The following XKR6 variants were observed in gnomAD, a reference collection of about 807,000 sequenced individuals.
The protein encoded by XKR6 is XK related 6, also known as XK-related protein 6.
Under a neutral mutation model 56.7 loss-of-function variants are expected in XKR6, and 22 were observed. That is an observed-to-expected ratio of 0.39 (90% confidence interval 0.28 to 0.55). XKR6 has a LOEUF of 0.55. Ranked by LOEUF, XKR6 falls within the 20% of genes least tolerant of loss-of-function variation. The pLI, the probability that XKR6 is intolerant of heterozygous loss-of-function variation, is 0.66. For missense variants in XKR6, 852 were observed against 889.0 expected (o/e 0.96, Z 0.53); for synonymous variants, 524 against 387.8 (o/e 1.35, Z -4.13).
chr8:11,152,176 G>A (rs1011132038), intron 1 of XKR6, among the ~76,000 whole-genome samples: 1 of 152,138 alleles, frequency 6.6e-6, no homozygotes, highest in Non-Finnish European at 1.5e-5. Flanking sequence ...GAATCTTAGG[G>A]CCTGAATGCT....
intron 1 of XKR6, among the ~76,000 whole-genome samples, chr8:11,092,641 A>C (rs1798113542): frequency 1.3e-5 from 2 of 152,188 alleles, no homozygotes; most frequent in Non-Finnish European, 2.9e-5. Flanking sequence ...AAGAGCCGGG[A>C]GACTGCAAGA....
At chr8:10,980,570 A>G (rs1426830122) in intron 1 of XKR6, among the ~76,000 whole-genome samples, 1 of 152,102 alleles carries the variant, frequency 6.6e-6, no homozygotes, top group Non-Finnish European at 1.5e-5. Flanking sequence ...GGATTTTAAT[A>G]CCTATCTATT....
At chr8:11,131,571 T>G (rs376477569) in intron 1 of XKR6, among the ~76,000 whole-genome samples, 3 of 152,148 alleles carry the variant, frequency 2.0e-5, no homozygotes, top group African/African-American at 7.2e-5. Context: ...AATAAAAAGT[T>G]TTCCTTTCAT....
intron 1 of XKR6, among the ~76,000 whole-genome samples, chr8:10,961,946 C>A (rs1586360638): frequency 1.3e-5 from 2 of 152,208 alleles, no homozygotes; most frequent in South Asian, 4.1e-4. Flanking sequence ...TCATCCAACA[C>A]AAACGCATAG....
intron 1 of XKR6, among the ~76,000 whole-genome samples, chr8:11,023,184 C>T (rs911399227): frequency 6.6e-6 from 1 of 152,210 alleles, no homozygotes; most frequent in Non-Finnish European, 1.5e-5. Flanking sequence ...GCCCTCCCTC[C>T]ATGTCCCCAT....
intron 2 of XKR6, among the ~76,000 whole-genome samples, chr8:10,920,474 C>G (rs1800677648): frequency 6.6e-6 from 1 of 152,246 alleles, no homozygotes; most frequent in African/African-American, 2.4e-5. Flanking sequence ...CCCCAGCTTT[C>G]TACGCTGCGA....
Position 11,200,611 on chromosome 8 carries a change from C to G in XKR6, c.729G>C (p.Ser243=), listed in dbSNP as rs753410459. The G allele has an allele frequency of 6.5e-7, 1 of 1,544,980 alleles. No homozygotes were observed. The highest frequency in any genetic ancestry group is 8.6e-7 in the Non-Finnish European group (1 of 1,156,760). ...LCRLSVWIWQ[S]VIHLLQMGQV... ...GCCCCATCTGCAGCAGGTGGATGAC[C>G]GACTGCCAGATCCACACGGAGAGGC... The change falls in exon 1 of 3, where the codon TCG becomes TCC. Residue 243 remains serine (S), a synonymous_variant. Coordinates refer to ENST00000416569, the MANE Select transcript of XKR6 (RefSeq NM_173683.4). The surrounding 1 kb of genome is among the most constrained non-coding windows in gnomAD (Gnocchi z 6.4).
intron 1 of XKR6, among the ~76,000 whole-genome samples, chr8:10,977,317 C>T (rs933953491): frequency 2.6e-5 from 4 of 152,034 alleles, no homozygotes; most frequent in African/African-American, 7.2e-5. Context: ...TGGTCTCCCC[C>T]ATCCCAGGGA....
chr8:11,114,732 TGTG>T, intron 1 of XKR6, among the ~76,000 whole-genome samples: 1 of 72,280 alleles, frequency 1.4e-5, no homozygotes, highest in South Asian at 5.3e-4. Flanking sequence ...CACATATGTG[TGTG>T]TGTGTGTGTG....
At chr8:11,169,430 A>C (rs1408179341) in intron 1 of XKR6, among the ~76,000 whole-genome samples, 1 of 152,164 alleles carries the variant, frequency 6.6e-6, no homozygotes, top group Non-Finnish European at 1.5e-5. Context: ...AAATATCTAC[A>C]GGATGGAATA....
At chr8:10,955,988 A>G (rs567519163) in intron 1 of XKR6, among the ~76,000 whole-genome samples, 9 of 152,312 alleles carry the variant, frequency 5.9e-5, no homozygotes, top group African/African-American at 2.2e-4. Context: ...GGGCAAGACA[A>G]CAGAAAGATG....
At chr8:11,163,145 T>C (rs1460354577) in intron 1 of XKR6, among the ~76,000 whole-genome samples, 1 of 152,170 alleles carries the variant, frequency 6.6e-6, no homozygotes, top group Non-Finnish European at 1.5e-5. Flanking sequence ...TTTAAAATGA[T>C]CATAAAATCC....
chr8:10,925,423 G>C (rs1172331231), intron 1 of XKR6, among the ~76,000 whole-genome samples: 1 of 152,178 alleles, frequency 6.6e-6, no homozygotes, highest in East Asian at 1.9e-4. Flanking sequence ...CCGGATAGTG[G>C]AACAAGTAGG....
intron 2 of XKR6, among the ~76,000 whole-genome samples, chr8:10,915,274 G>A (rs541832869): frequency 1.3e-5 from 2 of 152,348 alleles, no homozygotes; most frequent in South Asian, 4.1e-4. Context: ...GGTGATTAGG[G>A]AAGTTATTGA....
At chr8:11,146,909 GA>G (rs1563173412) in intron 1 of XKR6, among the ~76,000 whole-genome samples, 1 of 151,904 alleles carries the variant, frequency 6.6e-6, no homozygotes, top group Non-Finnish European at 1.5e-5. Flanking sequence ...CTTATATGTG[GA>G]ATCTAAAATA....
intron 1 of XKR6, among the ~76,000 whole-genome samples, chr8:11,135,661 T>C (rs1283517206): frequency 1.3e-5 from 2 of 151,870 alleles, no homozygotes; most frequent in Admixed American, 6.6e-5. Flanking sequence ...GGTGAATTCA[T>C]GAAAAAATGT....
chr8:11,117,967 TG>T (rs2129182331), intron 1 of XKR6, among the ~76,000 whole-genome samples: 1 of 151,778 alleles, frequency 6.6e-6, no homozygotes, highest in Non-Finnish European at 1.5e-5. Flanking sequence ...ACCGAGAGTG[TG>T]GGGGACCAGG....
chr8:11,177,514 A>G (rs951739603), intron 1 of XKR6, among the ~76,000 whole-genome samples: 33 of 152,202 alleles, frequency 2.2e-4, no homozygotes, highest in Non-Finnish European at 3.5e-4. Flanking sequence ...AATTCAGAAC[A>G]TGACCGAATT....
At chr8:10,939,744 C>T (rs998490137) in intron 1 of XKR6, among the ~76,000 whole-genome samples, 2 of 152,232 alleles carry the variant, frequency 1.3e-5, no homozygotes, top group East Asian at 1.9e-4. Flanking sequence ...AGACCAGGGG[C>T]CTCGCCCACC....
Sources: gnomAD v4.1 joint callset for allele counts (sites outside exome capture counted in the v4.1 genomes callset) on GRCh38, gnomAD v4.1.1 for gene constraint, Gnocchi (gnomAD v3.1) non-coding constraint, MANE v1.5 for transcripts, NCBI Gene and HGNC (gene_info 2026-07-23, HGNC 2026-07-21) for gene names.